The following LIFR variants were observed in gnomAD, a reference collection of about 807,000 sequenced individuals.
LIFR encodes the protein LIF receptor subunit alpha.
In LIFR, 84 loss-of-function variants were observed where a neutral mutation model predicts 122.2. The observed-to-expected ratio is 0.69, with a 90% CI of 0.58 to 0.82. The LOEUF (loss-of-function observed/expected upper bound fraction) is 0.82, where lower values mean the gene tolerates loss of function less well. Ranked by LOEUF, LIFR falls within the 40% of genes least tolerant of loss-of-function variation. The pLI, the probability that LIFR is intolerant of heterozygous loss-of-function variation, is 0.00. For synonymous variants in LIFR, 422 were observed against 434.7 expected (o/e 0.97, Z 0.36); for missense variants, 1,294 against 1,311.6 (o/e 0.99, Z 0.21).
intron 1 of LIFR, among the ~76,000 whole-genome samples, chr5:38,574,398 A>G (rs1485208347): frequency 6.6e-6 from 1 of 152,168 alleles, no homozygotes; most frequent in Non-Finnish European, 1.5e-5. Context: ...CCGTGATTGC[A>G]ATTTTCATAA....
In LIFR at chr5:38,479,141, G is replaced by A. The variant is rs1427549567; in HGVS notation, c.*2454C>T. ...ACACACACAGGTTGGGGGGAGTAGA[G>A]GTAATATCCTGGGATCTACACAAGG... On this transcript the variant is annotated 3_prime_UTR_variant, in exon 20 of 20. Coordinates refer to ENST00000453190, the MANE Select transcript of LIFR (RefSeq NM_001127671.2). The A allele has an allele frequency of 5.0e-6, 1 of 201,450 alleles. No homozygotes were observed. Among genetic ancestry groups the A allele is most frequent in the East Asian group, 6.5e-5 (1 of 15,304 alleles). The allele number at this position is 201,450 out of a possible 1,614,324, so 12.5% of individuals were successfully genotyped here.
chr5:38,492,748 T>C (rs1402095451), intron 14 of LIFR, among the ~76,000 whole-genome samples: 1 of 152,170 alleles, frequency 6.6e-6, no homozygotes, highest in East Asian at 1.9e-4. Context: ...CTGCTTGCTC[T>C]TCTGCACTTC....
intron 5 of LIFR, among the ~76,000 whole-genome samples, chr5:38,520,836 A>G (rs1015447873): frequency 2.6e-4 from 39 of 152,156 alleles, no homozygotes; most frequent in African/African-American, 8.9e-4. Flanking sequence ...ATTACTATAG[A>G]TAACCTTTTA....
chr5:38,504,612 G>C (rs776080934), intron 9 of LIFR, among the ~76,000 whole-genome samples: 1 of 152,118 alleles, frequency 6.6e-6, no homozygotes, highest in Non-Finnish European at 1.5e-5. Flanking sequence ...ATGCAGAAAA[G>C]CATTTTAGGC....
chr5:38,574,366 G>A (rs139740514), intron 1 of LIFR, among the ~76,000 whole-genome samples: 1 of 152,064 alleles, frequency 6.6e-6, no homozygotes, highest in Non-Finnish European at 1.5e-5. Flanking sequence ...ACTCCTCCCA[G>A]ACCCCCCGGA....
intron 1 of LIFR, among the ~76,000 whole-genome samples, chr5:38,555,483 T>C (rs879591256): frequency 1.3e-5 from 2 of 152,180 alleles, no homozygotes; most frequent in Non-Finnish European, 2.9e-5. Context: ...AAAACTAATC[T>C]GAAACTGAAC....
intron 1 of LIFR, among the ~76,000 whole-genome samples, chr5:38,578,210 T>TTC (rs1231741439): frequency 7.6e-5 from 9 of 118,090 alleles, no homozygotes; most frequent in African/African-American, 4.9e-4. Context: ...TCTTTTTCTT[T>TTC]TTTTTTTTTT....
At chr5:38,595,782 G>A (rs1750080306), upstream of LIFR, among the ~76,000 whole-genome samples, 1 of 145,668 alleles carries the variant, frequency 6.9e-6, no homozygotes, top group South Asian at 2.2e-4. Context: ...TCCCAAGCTG[G>A]AGTGCAGCGG....
intron 9 of LIFR, 129 bp from the exon 10 acceptor site, chr5:38,504,250 G>GT: frequency 1.5e-6 from 1 of 657,078 alleles, no homozygotes; most frequent in Admixed American, 2.7e-5. Flanking sequence ...ATCCTACCCA[G>GT]TATTTGTGGA....
intron 13 of LIFR, 52 bp from the exon 14 acceptor site, chr5:38,493,837 G>A (rs895022772): frequency 6.9e-7 from 1 of 1,445,768 alleles, no homozygotes; most frequent in East Asian, 2.3e-5. Flanking sequence ...ATAATATAAG[G>A]CAAATCTCAT....
chr5:38,606,803 C>G (rs1314364621), intron 1 of LIFR, among the ~76,000 whole-genome samples: 2 of 152,072 alleles, frequency 1.3e-5, no homozygotes, highest in African/African-American at 2.4e-5. Flanking sequence ...TTTTTTTTCC[C>G]CCATGGGGAA....
intron 1 of LIFR, among the ~76,000 whole-genome samples, chr5:38,542,139 T>A (rs1352147905): frequency 6.6e-6 from 1 of 152,224 alleles, no homozygotes; most frequent in Non-Finnish European, 1.5e-5. Context: ...CAAGTCATCA[T>A]AAATTCTTGC....
intron 4 of LIFR, among the ~76,000 whole-genome samples, chr5:38,526,124 GCTA>G (rs1746664868): frequency 6.6e-6 from 1 of 152,164 alleles, no homozygotes; most frequent in African/African-American, 2.4e-5. Context: ...ATTTCTTTGT[GCTA>G]AACAGACATG....
At chr5:38,590,607 T>C (rs995474748) in intron 1 of LIFR, among the ~76,000 whole-genome samples, 1 of 152,212 alleles carries the variant, frequency 6.6e-6, no homozygotes, top group African/African-American at 2.4e-5. Flanking sequence ...GAAGAGCTTA[T>C]TGCATGTCCA....
chr5:38,528,846 G>T lies in LIFR; in HGVS notation c.143-6C>A. 2.3e-6 allele frequency: 3 copies of T among 1,306,292 alleles called. No homozygotes were observed. The highest frequency in any genetic ancestry group is 3.2e-6 in the Non-Finnish European group (3 of 943,984). The allele number at this position is 1,306,292 out of a possible 1,614,324, so 80.9% of individuals were successfully genotyped here. A position where few individuals can be genotyped will look rare whatever the true frequency, so the allele number is the denominator to read the frequency against. ...CTTCAAATCATGAGGAGCCCCTGGA[G>T]GAGACACACACACACACACACACAC... On this transcript the variant is annotated splice_polypyrimidine_tract_variant and splice_region_variant and intron_variant, in intron 2 of 19. Coordinates refer to ENST00000453190, the MANE Select transcript of LIFR (RefSeq NM_001127671.2).
Position 38,479,423 on chromosome 5 carries a change from AGTGATAT to A in LIFR, c.*2165_*2171del, listed in dbSNP as rs1222906740. 4.3e-6 allele frequency: 1 copy of A among 230,546 alleles called. No individual in the cohort carries two copies. The highest frequency in any genetic ancestry group is 8.6e-6 in the Non-Finnish European group (1 of 116,392). 14.3% of individuals were successfully genotyped at this position (230,546 alleles called of 1,614,324 possible). A position where few individuals can be genotyped will look rare whatever the true frequency, so the allele number is the denominator to read the frequency against. Reference sequence around the variant, plus strand: ...TAGAACGAAAGGACTTAAGAGCCCCAGTGATATTCATCATTAACCAAACAAATGAGTC... The same window carrying A: ...TAGAACGAAAGGACTTAAGAGCCCCATCATCATTAACCAAACAAATGAGTC... On this transcript the variant is annotated 3_prime_UTR_variant, in exon 20 of 20. Coordinates refer to ENST00000453190, the MANE Select transcript of LIFR (RefSeq NM_001127671.2).
At chr5:38,522,288 C>G (rs1746445547) in intron 5 of LIFR, among the ~76,000 whole-genome samples, 2 of 152,204 alleles carry the variant, frequency 1.3e-5, no homozygotes, top group South Asian at 4.1e-4. Context: ...AGTGGAGCCA[C>G]TGCTGGTGTT....
chr5:38,567,602 C>T (rs1046343578), intron 1 of LIFR, among the ~76,000 whole-genome samples: 2 of 151,404 alleles, frequency 1.3e-5, no homozygotes, highest in Admixed American at 1.3e-4. Context: ...TGATCTGGCT[C>T]ACTGGAACCT....
intron 1 of LIFR, among the ~76,000 whole-genome samples, chr5:38,542,764 A>G (rs1747663987): frequency 6.6e-6 from 1 of 152,136 alleles, no homozygotes; most frequent in African/African-American, 2.4e-5. Context: ...CAGATCATCT[A>G]CCTGGAATGT....
Sources: allele counts gnomAD v4.1 joint callset (sites outside exome capture counted in the v4.1 genomes callset), GRCh38; gene constraint gnomAD v4.1.1; transcripts MANE v1.5; gene names NCBI Gene and HGNC (gene_info 2026-07-23, HGNC 2026-07-21).